MYH6: variants seen among roughly 807,000 people sequenced by gnomAD.
MYH6 encodes the protein myosin-6.
Under a neutral mutation model 223.2 loss-of-function variants are expected in MYH6, and 126 were observed. The ratio of observed to expected loss-of-function variants is 0.56; its 90% confidence interval spans 0.49 to 0.65. MYH6 has a LOEUF of 0.65. Ranked by LOEUF, MYH6 falls within the 30% of genes least tolerant of loss-of-function variation. MYH6 has a pLI of 0.00. For missense variants in MYH6, 2,040 were observed against 2,536.4 expected (o/e 0.80, Z 4.20); for synonymous variants, 978 against 1,010.2 (o/e 0.97, Z 0.61).
Position 23,397,450 on chromosome 14 carries a change from A to G in MYH6, c.1962+93T>C, listed in dbSNP as rs539047491. The G allele has an allele frequency of 3.6e-5, 53 of 1,482,640 alleles. No homozygotes were observed. The African/African-American group carries it at 6.9e-4, about 19-fold the overall frequency. The allele number at this position is 1,482,640 out of a possible 1,614,324, so 91.8% of individuals were successfully genotyped here. ...CTACGTAGCCCTAGCTTCTTTCCTC[A>G]TCAAACTCAAGCATCAGAATAGGTG... On this transcript the variant is annotated intron_variant, in intron 16 of 38. Transcript: ENST00000405093.
rs1467416407 is a variant in MYH6 at position 23,400,846 on chromosome 14, TG to T, written c.1272del (p.Ile425SerfsTer17). On this transcript the variant is annotated frameshift_variant, in exon 13 of 39. Coordinates refer to ENST00000405093, the MANE Select transcript of MYH6 (RefSeq NM_002471.4). LOFTEE classifies it high-confidence loss of function. ...KGQSVQQVYY[S>X]IGALAKAVYE... is the part of the protein sequence containing the mutation. ...TACACTGCCTTGGCCAGAGCCCCGATGGAGTAGTACACCTGCTGCACGCTCT... is the reference window on the plus strand; with the variant it reads ...TACACTGCCTTGGCCAGAGCCCCGATGAGTAGTACACCTGCTGCACGCTCT... 6.2e-7 allele frequency: 1 copy of T among 1,614,030 alleles called. No individual in the cohort carries two copies. The highest frequency in any genetic ancestry group is 8.5e-7 in the Non-Finnish European group (1 of 1,180,020).
rs753062079 is a variant in MYH6 at position 23,400,259 on chromosome 14, C to G, written c.1578G>C (p.Glu526Asp). Residue 526 changes from glutamate to aspartate, a missense_variant, in exon 14 of 39, where the codon GAG becomes GAC. Physicochemically the swap from Glu to Asp is conservative, Grantham distance 45 (BLOSUM62 2). Around this residue, in one of 4 missense-constraint regions of MYH6, gnomAD observed 649 missense variants for 877.3 expected, o/e 0.74. Transcript: ENST00000405093. ...MDLQACIDLI[E>D]KPMGIMSILE... is the part of the protein sequence containing the mutation. ...GGTGGTGAGGCCAAGGAGGCACCTT[C>G]TCGATGAGGTCAATGCAGGCCTGCA... is the stretch of plus-strand genomic sequence containing the variant. 4 of 1,614,208 alleles carry G rather than the reference C, an allele frequency of 2.5e-6. No individual in the cohort carries two copies. In the Admixed American group the frequency reaches 6.7e-5, roughly 27 times the overall value.
rs772154148 is a variant in MYH6 at position 23,404,338 on chromosome 14, G to T, written c.693C>A (p.Phe231Leu). Residue 231 changes from phenylalanine to leucine, a missense_variant, in exon 8 of 39, where the codon TTC (phenylalanine) becomes TTA (leucine). Physicochemically the swap from Phe to Leu is conservative, Grantham distance 22. Coordinates refer to ENST00000405093, the MANE Select transcript of MYH6 (RefSeq NM_002471.4). ...CGTTCCGGACAGTCTTGGCATTGCC[G>T]AAGGCCTCCAGAGCGGGGTTGGCCT... ...IIQANPALEA[F>L]GNAKTVRNDN... The T allele has an allele frequency of 3.7e-6, 6 of 1,614,220 alleles. No homozygotes were observed. Among genetic ancestry groups the T allele is most frequent in the Non-Finnish European group, 5.1e-6 (6 of 1,180,028 alleles).
At chr14:23,386,969 C>A (rs779844603) in intron 32 of MYH6, among the ~76,000 whole-genome samples, 2 of 152,198 alleles carry the variant, frequency 1.3e-5, no homozygotes, top group Non-Finnish European at 1.5e-5. Context: ...GTCCCTCACC[C>A]TTTCCTGAGA....
At chr14:23,392,355 C>A (rs1891258426) in intron 25 of MYH6, among the ~76,000 whole-genome samples, 1 of 152,118 alleles carries the variant, frequency 6.6e-6, no homozygotes, top group Admixed American at 6.5e-5. Context: ...GTATGAGTCC[C>A]CCTTCTCAAA....
chr14:23,383,385 T>G (rs1018611034), intron 36 of MYH6, 65 bp from the exon 37 acceptor site: 1 of 1,269,956 alleles, frequency 7.9e-7, no homozygotes, highest in African/African-American at 1.5e-5. Flanking sequence ...CTTTCCCTCC[T>G]CCATCATTTT....
At position 23,394,175 on chromosome 14, in the gene MYH6, G is replaced by C; in HGVS notation, c.2578C>G (p.Arg860Gly). The change falls in exon 21 of 39, where the codon CGC becomes GGC. Residue 860 changes from arginine (R) to glycine (G), a missense_variant. This residue lies in a region of MYH6 where 1,203 missense variants were observed against 1,400.2 expected (regional missense o/e 0.86). Coordinates refer to ENST00000405093, the MANE Select transcript of MYH6 (RefSeq NM_002471.4). ...EMATMKEEFG[R>G]IKETLEKSEA... ...GACTTCTCCAGCGTCTCTTTGATGC[G>C]CCCGAACTCTTCCTTCATGGTGGCC... 6.2e-7 allele frequency: 1 copy of C among 1,614,148 alleles called. No individual in the cohort carries two copies. Among genetic ancestry groups the C allele is most frequent in the Non-Finnish European group, 8.5e-7 (1 of 1,180,022 alleles).
Position 23,407,541 on chromosome 14 carries a change from C to T in MYH6, c.-14+35G>A, listed in dbSNP as rs567221184. 2.4e-6 allele frequency: 3 copies of T among 1,274,440 alleles called. No individual in the cohort carries two copies. In the South Asian group the frequency reaches 4.8e-5, roughly 20 times the overall value. 78.9% of individuals were successfully genotyped at this position (1,274,440 alleles called of 1,614,324 possible). On this transcript the variant is annotated intron_variant, in intron 2 of 38. Transcript: ENST00000405093. This position sits in a 1 kb window ranked among gnomAD's most constrained non-coding sequence, Gnocchi z 5.6. ...ATCCGGCTCCCAGGAGAAGCATGCC[C>T]CAGTCTCTGCAGAGAAAATGGGGGC...
intron 3 of MYH6, among the ~76,000 whole-genome samples, chr14:23,406,746 C>T (rs1367584293): frequency 2.0e-5 from 3 of 152,204 alleles, no homozygotes; most frequent in Non-Finnish European, 4.4e-5. Context: ...TCTGTGCCCT[C>T]TTTATCTACA....
intron 6 of MYH6, 97 bp from the exon 7 acceptor site, chr14:23,404,919 G>T: frequency 1.3e-6 from 2 of 1,484,114 alleles, no homozygotes; most frequent in Non-Finnish European, 1.9e-6. Flanking sequence ...GGCCATCAGA[G>T]CCCAGCACCC....
chr14:23,389,439 G>A lies in MYH6; in HGVS notation c.3932C>T (p.Thr1311Ile), dbSNP rs535425638. Residue 1311 changes from threonine (T) to isoleucine (I), a missense_variant, in exon 28 of 39, where the codon ACC (threonine) becomes ATC (isoleucine). Coordinates refer to ENST00000405093, the MANE Select transcript of MYH6 (RefSeq NM_002471.4). ...CCTTTTGAGGTCCTCCATTTGCTGGGTATAAGAGAGCTTCCCCCGGGTCAG... is the reference window on the plus strand; with the variant it reads ...CCTTTTGAGGTCCTCCATTTGCTGGATATAAGAGAGCTTCCCCCGGGTCAG... Reference protein sequence around the residue: ...SQLTRGKLSYTQQMEDLKRQL... With the variant: ...SQLTRGKLSYIQQMEDLKRQL... 52 of 1,614,122 alleles carry A rather than the reference G, an allele frequency of 3.2e-5. No individual in the cohort carries two copies. The East Asian group carries it at 1.0e-3, about 33-fold the overall frequency.
chr14:23,399,185 A>C (rs913026891), intron 14 of MYH6, 148 bp from the exon 15 acceptor site: 6 of 983,202 alleles, frequency 6.1e-6, no homozygotes, highest in African/African-American at 1.6e-5. Context: ...ACCCTAAAAC[A>C]GGAAGCCAAT....
At position 23,384,905 on chromosome 14, in the gene MYH6, C is replaced by T. The variant is rs367994806; in HGVS notation, c.5289+11G>A. 32 of 1,613,652 alleles carry T rather than the reference C, an allele frequency of 2.0e-5. No individual in the cohort carries two copies. The highest frequency in any genetic ancestry group is 2.3e-5 in the Non-Finnish European group (27 of 1,180,040). On this transcript the variant is annotated intron_variant, in intron 35 of 38. Transcript: ENST00000405093. The stretch of plus-strand genomic sequence containing the variant: ...GTCTTTAGGGGAGGCGGAAGGTGGG[C>T]GGTCACTTACATCCGTGATGGCCTT...
chr14:23,400,844 G>A lies in MYH6; in HGVS notation c.1275C>T (p.Ile425=), dbSNP rs61742470. The change falls in exon 13 of 39, where the codon ATC becomes ATT. Residue 425 remains isoleucine (I), a synonymous_variant. Coordinates refer to ENST00000405093, the MANE Select transcript of MYH6 (RefSeq NM_002471.4). The part of the protein sequence containing the change: ...GQSVQQVYYS[I]GALAKAVYEK... ...CATACACTGCCTTGGCCAGAGCCCC[G>A]ATGGAGTAGTACACCTGCTGCACGC... 3.2e-3 allele frequency: 5,103 copies of A among 1,614,136 alleles called. 13 individuals carry two copies. Among genetic ancestry groups the A allele is most frequent in the Non-Finnish European group, 3.7e-3 (4,397 of 1,180,022 alleles).
intron 24 of MYH6, 118 bp downstream of exon 24, chr14:23,392,794 T>G: frequency 6.6e-7 from 1 of 1,508,072 alleles, no homozygotes; most frequent in Non-Finnish European, 9.2e-7. Flanking sequence ...AGGGCTGTGA[T>G]TGACCTTATT....
intron 26 of MYH6, 99 bp from the exon 27 acceptor site, chr14:23,389,818 G>C: frequency 6.3e-7 from 1 of 1,596,462 alleles, no homozygotes; most frequent in Non-Finnish European, 8.6e-7. Context: ...AGGGCAGGAG[G>C]GGGACACAGA....
rs139688410 is a variant in MYH6, at chr14:23,401,752, A to G, written c.1141+712T>C. ...TTACCCAATCTGACTGGCTGAGAGT[A>G]TATCAGACAGTACCACGCTCCTACC... On this transcript the variant is annotated intron_variant, in intron 12 of 38. Coordinates refer to ENST00000405093, the MANE Select transcript of MYH6 (RefSeq NM_002471.4). Among the ~76,000 whole-genome samples, 604 of 152,338 alleles carry G rather than the reference A, an allele frequency of 4.0e-3. 3 individuals carry two copies. Among genetic ancestry groups the G allele is most frequent in the Middle Eastern group, 0.01 (3 of 294 alleles).
In MYH6 at chr14:23,393,752, C is replaced by T. The variant is rs538791600; in HGVS notation, c.2842G>A (p.Glu948Lys). Reference sequence around the variant, plus strand: ...ATGTCCTTCTTGAGCTCTGAGCACTCGTCTTCCAGCTTGCGCTTCTTGGCA... The same window carrying T: ...ATGTCCTTCTTGAGCTCTGAGCACTTGTCTTCCAGCTTGCGCTTCTTGGCA... ...LTAKKRKLED[E>K]CSELKKDIDD... is the part of the protein sequence containing the mutation. The change falls in exon 22 of 39, where the codon GAG becomes AAG. Residue 948 changes from glutamate (E) to lysine (K), a missense_variant. Physicochemically the swap from Glu to Lys is moderately conservative, Grantham distance 56. Transcript: ENST00000405093. 31 of 1,614,098 alleles carry T rather than the reference C, an allele frequency of 1.9e-5. No homozygotes were observed. Among genetic ancestry groups the T allele is most frequent in the Non-Finnish European group, 2.5e-5 (29 of 1,180,042 alleles).
At chr14:23,391,481 G>A (rs1236169682) in intron 25 of MYH6, among the ~76,000 whole-genome samples, 1 of 152,244 alleles carries the variant, frequency 6.6e-6, no homozygotes, top group African/African-American at 2.4e-5. Context: ...CCCAGAAGGG[G>A]CATCCAAGAA....
Sources: allele counts gnomAD v4.1 joint callset (sites outside exome capture counted in the v4.1 genomes callset), GRCh38; gene constraint gnomAD v4.1.1; regional missense constraint gnomAD v4.1.1; non-coding constraint Gnocchi (gnomAD v3.1); transcripts MANE v1.5; gene names NCBI Gene and HGNC (gene_info 2026-07-23, HGNC 2026-07-21).